The following UBXN4 variants were observed in gnomAD, a reference collection of about 807,000 sequenced individuals.
UBXN4 encodes the protein UBX domain-containing protein 4.
In UBXN4, 35 loss-of-function variants were observed where a neutral mutation model predicts 66.2. The ratio of observed to expected loss-of-function variants is 0.53; its 90% CI spans 0.40 to 0.70. The LOEUF is 0.70. UBXN4 is among the 30% of genes least tolerant of loss of function. The probability of loss-of-function intolerance (pLI) is 0.00; values close to 1 mark genes in which losing one functional copy is unlikely to be tolerated. For synonymous variants in UBXN4, 203 were observed against 204.5 expected, an observed-to-expected ratio of 0.99 and a Z score of 0.06; for missense variants, 533 against 599.8, an observed-to-expected ratio of 0.89 and a Z score of 1.16.
At position 135,783,390 on chromosome 2, in the gene UBXN4, A is replaced by G. The variant is rs2077461770; in HGVS notation, c.*503A>G. The G allele has an allele frequency of 1.3e-5, 2 of 152,308 alleles. No homozygotes were observed. The highest frequency in any genetic ancestry group is 4.8e-5 in the African/African-American group (2 of 41,454). 9.4% of individuals were successfully genotyped at this position (152,308 alleles called of 1,614,324 possible). A position where few individuals can be genotyped will look rare whatever the true frequency, so the allele number is the denominator to read the frequency against. On this transcript the variant is annotated 3_prime_UTR_variant, in exon 13 of 13. Transcript: ENST00000272638. ...GTTTTTAATCTTAAACACTGAATAA[A>G]AAAACTTTCCCCTAAATTGGAATGA... is the stretch of plus-strand genomic sequence containing the variant.
At chr2:135,767,822 C>T (rs1575320703) in intron 6 of UBXN4, among the ~76,000 whole-genome samples, 1 of 152,176 alleles carries the variant, frequency 6.6e-6, no homozygotes, top group Non-Finnish European at 1.5e-5. Flanking sequence ...AAACAGCTTT[C>T]CAAAGTGGTT....
At chr2:135,751,955 G>A (rs1380292739) in intron 2 of UBXN4, among the ~76,000 whole-genome samples, 1 of 151,848 alleles carries the variant, frequency 6.6e-6, no homozygotes, top group Non-Finnish European at 1.5e-5. Flanking sequence ...TTCTCTGGAG[G>A]GAACCAAATC....
intron 1 of UBXN4, among the ~76,000 whole-genome samples, chr2:135,744,595 A>G (rs1037521599): frequency 6.6e-6 from 1 of 152,112 alleles, no homozygotes; most frequent in African/African-American, 2.4e-5. Flanking sequence ...AATGTAGACC[A>G]CAGAAGCCTT....
At chr2:135,752,666 CA>C (rs368840123) in intron 2 of UBXN4, among the ~76,000 whole-genome samples, 2 of 152,262 alleles carry the variant, frequency 1.3e-5, no homozygotes, top group African/African-American at 4.8e-5. Flanking sequence ...TGGCAGATAC[CA>C]AATTAATTTT....
chr2:135,781,317 G>T lies in UBXN4; in HGVS notation c.1388+932G>T, dbSNP rs114663055. Among the ~76,000 whole-genome samples, 551 of 152,288 alleles carry T rather than the reference G, an allele frequency of 3.6e-3. 2 individuals are homozygous for T. Among genetic ancestry groups the T allele is most frequent in the African/African-American group, 0.012 (505 of 41,558 alleles). On this transcript the variant is annotated intron_variant, in intron 12 of 12. Coordinates refer to ENST00000272638, the MANE Select transcript of UBXN4 (RefSeq NM_014607.4). Reference sequence around the variant, plus strand: ...CAATTTTAACTCCTATCTTTGTTAAGATTTTATATACTTGAAACAGGTTAA... The same window carrying T: ...CAATTTTAACTCCTATCTTTGTTAATATTTTATATACTTGAAACAGGTTAA...
chr2:135,771,301 A>G (rs2077381604), intron 8 of UBXN4, among the ~76,000 whole-genome samples: 1 of 152,062 alleles, frequency 6.6e-6, no homozygotes, highest in Admixed American at 6.6e-5. Flanking sequence ...ACATGGTGAA[A>G]CGCCATCTCT....
In UBXN4 at chr2:135,782,990, C is replaced by A; in HGVS notation, c.*103C>A. The A allele has an allele frequency of 7.9e-7, 1 of 1,271,934 alleles. No individual in the cohort carries two copies. 78.8% of individuals were successfully genotyped at this position (1,271,934 alleles called of 1,614,324 possible). ...GACTGCTTTATATTTTCCAACTGGT[C>A]TATAAAATGTCTCTTTATTCCTGCT... On this transcript the variant is annotated 3_prime_UTR_variant, in exon 13 of 13. Transcript: ENST00000272638.
chr2:135,752,273 T>C (rs1003384573), intron 2 of UBXN4, among the ~76,000 whole-genome samples: 1 of 152,184 alleles, frequency 6.6e-6, no homozygotes, highest in African/African-American at 2.4e-5. Flanking sequence ...GGACTCGAAC[T>C]CCTGACCTCA....
chr2:135,743,012 T>TAG (rs2077186674), intron 1 of UBXN4, among the ~76,000 whole-genome samples: 1 of 152,224 alleles, frequency 6.6e-6, no homozygotes, highest in Non-Finnish European at 1.5e-5. Flanking sequence ...TCCCTGCCTC[T>TAG]ACGGTTCTGC....
intron 1 of UBXN4, among the ~76,000 whole-genome samples, chr2:135,746,829 C>T (rs1201836229): frequency 6.6e-6 from 1 of 151,698 alleles, no homozygotes; most frequent in Non-Finnish European, 1.5e-5. Context: ...TTGGCTTTTA[C>T]TTTGAGGAAA....
At chr2:135,757,146 A>T (rs1234764801) in intron 5 of UBXN4, among the ~76,000 whole-genome samples, 1 of 152,184 alleles carries the variant, frequency 6.6e-6, no homozygotes, top group Non-Finnish European at 1.5e-5. Flanking sequence ...AATGAATTAC[A>T]TGTATATTAG....
chr2:135,775,734 T>A (rs190088009), intron 9 of UBXN4, among the ~76,000 whole-genome samples: 2 of 152,296 alleles, frequency 1.3e-5, no homozygotes, highest in African/African-American at 4.8e-5. Context: ...TCTGAATATA[T>A]TTAAAAATCA....
chr2:135,778,971 T>A lies in UBXN4; in HGVS notation c.1077T>A (p.Asn359Lys). Residue 359 changes from asparagine to lysine, a missense_variant, in exon 11 of 13, where the codon AAT becomes AAA. Around this residue, in one of 2 missense-constraint regions of UBXN4, gnomAD observed 529 missense variants for 580.1 expected, o/e 0.91. Transcript: ENST00000272638. ...AAQTVGNTYG[N>K]FSLATMFPRR... ...AGACTGTTGGCAACACTTACGGTAA[T>A]TTTTCGTTAGCAACCATGTTTCCCA... The A allele has an allele frequency of 1.2e-6, 2 of 1,612,700 alleles. No individual in the cohort carries two copies. Among genetic ancestry groups the A allele is most frequent in the African/African-American group, 2.7e-5 (2 of 74,972 alleles).
intron 2 of UBXN4, among the ~76,000 whole-genome samples, chr2:135,752,361 T>C (rs2077248083): frequency 1.3e-5 from 2 of 152,162 alleles, no homozygotes. Context: ...TTTGTATTTT[T>C]AGTAGAGACA....
At chr2:135,756,184 G>A (rs2077277862) in intron 5 of UBXN4, among the ~76,000 whole-genome samples, 1 of 152,098 alleles carries the variant, frequency 6.6e-6, no homozygotes. Context: ...GATAGAAAAG[G>A]CAAAAGAGAA....
Position 135,755,677 on chromosome 2 carries a change from C to G in UBXN4, c.494C>G (p.Ser165Ter). 1 of 1,541,638 alleles carries G rather than the reference C, an allele frequency of 6.5e-7. No individual in the cohort carries two copies. Among genetic ancestry groups the G allele is most frequent in the Non-Finnish European group, 8.8e-7 (1 of 1,142,170 alleles). ...CEIPPTSDTK[S>*]DTATGGESAG... ...ATACCACCCACTTCTGATACAAAGT[C>G]AGATACTGCAACAGGTAACTTTTAA... The change falls in exon 5 of 13, where the codon TCA becomes TGA. Residue 165 changes from serine (S) to a stop codon, truncating the protein, a stop_gained. Coordinates refer to ENST00000272638, the MANE Select transcript of UBXN4 (RefSeq NM_014607.4). LOFTEE classifies it high-confidence loss of function.
In UBXN4 at chr2:135,781,292, C is replaced by A. The variant is rs534987668; in HGVS notation, c.1388+907C>A. On this transcript the variant is annotated intron_variant, in intron 12 of 12. Transcript: ENST00000272638. The stretch of plus-strand genomic sequence containing the variant: ...GGTTAGCATAGTAATACAACACTGA[C>A]AATTTTAACTCCTATCTTTGTTAAG... Among the ~76,000 whole-genome samples, 8 of 152,294 alleles carry A rather than the reference C, an allele frequency of 5.3e-5. No individual in the cohort carries two copies. In the East Asian group the frequency reaches 1.5e-3, roughly 29 times the overall value.
At position 135,748,246 on chromosome 2, in the gene UBXN4, A is replaced by G. The variant is rs757825112; in HGVS notation, c.83-21A>G. 2.0e-6 allele frequency: 3 copies of G among 1,528,880 alleles called. No individual in the cohort carries two copies. In the South Asian group the frequency reaches 4.0e-5, roughly 20 times the overall value. The allele number at this position is 1,528,880 out of a possible 1,614,324, so 94.7% of individuals were successfully genotyped here. The stretch of plus-strand genomic sequence containing the variant: ...TCAGCAGATCCCAGCCTGGTATAAG[A>G]ATTTTTGAAATGTTTTACAGGTGAT... On this transcript the variant is annotated intron_variant, in intron 1 of 12. Transcript: ENST00000272638.
chr2:135,763,979 T>G (rs979517181), intron 6 of UBXN4, among the ~76,000 whole-genome samples: 1 of 151,738 alleles, frequency 6.6e-6, no homozygotes, highest in South Asian at 2.1e-4. Flanking sequence ...ATACAAAAAT[T>G]AGCTGGGCAT....
Sources: gnomAD v4.1 joint callset for allele counts (sites outside exome capture counted in the v4.1 genomes callset) on GRCh38, gnomAD v4.1.1 for gene constraint, gnomAD v4.1.1 regional missense constraint, MANE v1.5 for transcripts, NCBI Gene and HGNC (gene_info 2026-07-23, HGNC 2026-07-21) for gene names.